HIF3A: variants seen among roughly 807,000 people sequenced by gnomAD.
The protein encoded by HIF3A is hypoxia inducible factor 3 subunit alpha.
In HIF3A, 41 loss-of-function variants were observed where a neutral mutation model predicts 67.2. The ratio of observed to expected loss-of-function variants is 0.61; its 90% CI spans 0.48 to 0.79. The LOEUF (loss-of-function observed/expected upper bound fraction) is 0.79, where lower values mean the gene tolerates loss of function less well. Among genes scored for constraint, HIF3A ranks in the 30% least tolerant of loss-of-function variants. HIF3A has a pLI of 0.00. For synonymous variants in HIF3A, 356 were observed against 374.8 expected, an observed-to-expected ratio of 0.95 and a Z score of 0.58; for missense variants, 855 against 898.0, an observed-to-expected ratio of 0.95 and a Z score of 0.61.
chr19:46,329,484 C>A lies in HIF3A; in HGVS notation c.1712+6C>A, dbSNP rs1159991592. The A allele has an allele frequency of 1.1e-5, 16 of 1,507,418 alleles. No individual in the cohort carries two copies. Among genetic ancestry groups the A allele is most frequent in the Non-Finnish European group, 1.4e-5 (16 of 1,127,600 alleles). 93.4% of individuals were successfully genotyped at this position (1,507,418 alleles called of 1,614,324 possible). ...ATGGCTGGGGCTCGGAAGAGGTGAG[C>A]CACAGTAAAGGGGGGACATCAAGGC... On this transcript the variant is annotated splice_donor_region_variant and intron_variant, in intron 12 of 14. Transcript: ENST00000377670.
chr19:46,326,123 A>G (rs1568536217), intron 11 of HIF3A, among the ~76,000 whole-genome samples: 1 of 152,186 alleles, frequency 6.6e-6, no homozygotes, highest in Non-Finnish European at 1.5e-5. Flanking sequence ...GGCTACAGTC[A>G]TCTGGGGTTA....
intron 1 of HIF3A, chr19:46,298,537 C>A: frequency 8.0e-7 from 1 of 1,255,662 alleles, no homozygotes; most frequent in Non-Finnish European, 1.0e-6. Flanking sequence ...CCAACACCTC[C>A]TTTCCCCCTT....
chr19:46,315,458 T>C (rs1348760074), intron 8 of HIF3A, among the ~76,000 whole-genome samples: 1 of 147,816 alleles, frequency 6.8e-6, no homozygotes, highest in Non-Finnish European at 1.5e-5. Context: ...CATTCACCAG[T>C]TGGAAGACGC....
In HIF3A at chr19:46,297,727, C is replaced by T. The variant is rs1967970493; in HGVS notation, c.26+625C>T. ...TTCAGAAGCCGTCTGGGACCCTTCC[C>T]AAGAGACTTTTTGTATCCTTTCAAA... On this transcript the variant is annotated intron_variant, in intron 1 of 14. Transcript: ENST00000377670. The surrounding 1 kb of genome is among the most constrained non-coding windows in gnomAD (Gnocchi z 4.5). Among the ~76,000 whole-genome samples the T allele has an allele frequency of 6.6e-6, 1 of 152,048 alleles. No homozygotes were observed. The highest frequency in any genetic ancestry group is 6.6e-5 in the Admixed American group (1 of 15,264).
At chr19:46,307,094 C>T (rs1049880004) in intron 3 of HIF3A, among the ~76,000 whole-genome samples, 3 of 130,584 alleles carry the variant, frequency 2.3e-5, no homozygotes, top group East Asian at 5.1e-4. Context: ...TTGCTTTGTT[C>T]AGCAGCTTTT....
At chr19:46,302,542 C>T (rs1159093111) in intron 1 of HIF3A, among the ~76,000 whole-genome samples, 4 of 152,188 alleles carry the variant, frequency 2.6e-5, no homozygotes, top group Non-Finnish European at 4.4e-5. Flanking sequence ...GATCCTCTGT[C>T]TCACCCTCCC....
intron 11 of HIF3A, 135 bp downstream of exon 11, chr19:46,325,774 G>T: frequency 1.6e-6 from 1 of 610,038 alleles, no homozygotes; most frequent in Non-Finnish European, 3.0e-6. Flanking sequence ...TCATTAGGTG[G>T]ATGATGGTGG....
At position 46,342,979 on chromosome 19, in the gene HIF3A, T is replaced by A. The variant is rs371675902; in HGVS notation, c.*3357T>A. 3.9e-4 allele frequency: 60 copies of A among 152,572 alleles called. 1 individual carries two copies. Among genetic ancestry groups the A allele is most frequent in the African/African-American group, 1.4e-3 (56 of 41,456 alleles). 9.5% of individuals were successfully genotyped at this position (152,572 alleles called of 1,614,324 possible). On this transcript the variant is annotated 3_prime_UTR_variant, in exon 15 of 15. Coordinates refer to ENST00000377670, the MANE Select transcript of HIF3A (RefSeq NM_152795.4). ...CCCACATGTTTGGGGCACCTGGGGC[T>A]CCCTCACCCCTTGGGTGGTTTGCAA...
chr19:46,339,848 C>T lies in HIF3A; in HGVS notation c.*226C>T. 2 of 400,710 alleles carry T rather than the reference C, an allele frequency of 5.0e-6. No individual in the cohort carries two copies. Among genetic ancestry groups the T allele is most frequent in the Non-Finnish European group, 8.8e-6 (2 of 227,218 alleles). 24.8% of individuals were successfully genotyped at this position (400,710 alleles called of 1,614,324 possible). On this transcript the variant is annotated 3_prime_UTR_variant, in exon 15 of 15. Transcript: ENST00000377670. ...CTCAGTGACCTCTGGGAGGTGGTCC[C>T]TGGCCCCCTCCTCCTTCTCTCAGGA...
chr19:46,305,273 A>C lies in HIF3A; in HGVS notation c.246A>C (p.Gly82=). The C allele has an allele frequency of 6.2e-7, 1 of 1,613,934 alleles. No homozygotes were observed. The highest frequency in any genetic ancestry group is 8.5e-7 in the Non-Finnish European group (1 of 1,179,976). ...AGTGGAACCAGGTGGGAGCAGGGGG[A>C]GAACCACTGGATGCCTGCTACCTGA... The part of the protein sequence containing the change: ...AGEWNQVGAG[G]EPLDACYLKA... Residue 82 remains glycine, a synonymous_variant, in exon 3 of 15, where the codon GGA becomes GGC. Coordinates refer to ENST00000377670, the MANE Select transcript of HIF3A (RefSeq NM_152795.4).
Position 46,340,650 on chromosome 19 carries a change from GC to G in HIF3A, c.*1030del, listed in dbSNP as rs1178983237. ...CAAATAGCCGGGACTACGGGCATGT[GC>G]CACATTGCCCGGCTAATTTTTGTAT... On this transcript the variant is annotated 3_prime_UTR_variant, in exon 15 of 15. Coordinates refer to ENST00000377670, the MANE Select transcript of HIF3A (RefSeq NM_152795.4). 6.6e-6 allele frequency: 1 copy of G among 152,206 alleles called. No homozygotes were observed. Among genetic ancestry groups the G allele is most frequent in the African/African-American group, 2.4e-5 (1 of 41,428 alleles). The allele number at this position is 152,206 out of a possible 1,614,324, so 9.4% of individuals were successfully genotyped here. A position where few individuals can be genotyped will look rare whatever the true frequency, so the allele number is the denominator to read the frequency against.
In HIF3A at chr19:46,312,567, C is replaced by T; in HGVS notation, c.939C>T (p.Tyr313=). 6.2e-7 allele frequency: 1 copy of T among 1,612,962 alleles called. No homozygotes were observed. Among genetic ancestry groups the T allele is most frequent in the Non-Finnish European group, 8.5e-7 (1 of 1,179,526 alleles). ...QYRFLARSGG[Y]LWTQTQATVV... is the part of the protein sequence containing the mutation. The stretch of plus-strand genomic sequence containing the variant: ...GCTTCCTGGCCCGGAGTGGTGGCTA[C>T]CTGTGGACCCAGACCCAGGCCACAG... Residue 313 remains tyrosine, a synonymous_variant, in exon 8 of 15, where the codon TAC becomes TAT. Coordinates refer to ENST00000377670, the MANE Select transcript of HIF3A (RefSeq NM_152795.4).
intron 8 of HIF3A, 81 bp downstream of exon 8, chr19:46,312,734 T>TGTGTGC: frequency 6.7e-7 from 1 of 1,503,460 alleles, no homozygotes; most frequent in African/African-American, 1.4e-5. Context: ...TGTGTGTGTG[T>TGTGTGC]GTGCGTATGA....
intron 14 of HIF3A, among the ~76,000 whole-genome samples, chr19:46,336,953 C>T (rs1971671233): frequency 6.6e-6 from 1 of 152,114 alleles, no homozygotes; most frequent in Non-Finnish European, 1.5e-5. Context: ...CGCCATTGTA[C>T]TGCAGCCTGG....
chr19:46,327,306 TTTTTTTC>T (rs949149262), intron 11 of HIF3A, among the ~76,000 whole-genome samples: 1 of 151,514 alleles, frequency 6.6e-6, no homozygotes. Flanking sequence ...GAGACCACTT[TTTTTTTC>T]TTTTTTCTTT....
intron 10 of HIF3A, among the ~76,000 whole-genome samples, chr19:46,323,967 G>A (rs1676838528): frequency 1.3e-5 from 2 of 152,148 alleles, no homozygotes; most frequent in South Asian, 2.1e-4. Context: ...TTTGGGTGGG[G>A]ACGCAGCCAA....
At chr19:46,325,742 A>T (rs778015141) in intron 11 of HIF3A, 103 bp downstream of exon 11, 1 of 728,834 alleles carries the variant, frequency 1.4e-6, no homozygotes, top group Non-Finnish European at 2.4e-6. Flanking sequence ...GAATGAATGG[A>T]TGGATGGATG....
At chr19:46,338,297 G>T (rs1018301583) in intron 14 of HIF3A, 1 of 453,218 alleles carries the variant, frequency 2.2e-6, no homozygotes, top group Non-Finnish European at 4.4e-6. Flanking sequence ...GACCTCCTGG[G>T]CTCAAGTGAT....
intron 1 of HIF3A, chr19:46,298,213 C>CCTCCCCTCCCCTGTCCCCT: frequency 3.0e-6 from 1 of 334,784 alleles, no homozygotes; most frequent in Non-Finnish European, 5.9e-6. Flanking sequence ...TAACCGCCCC[C>CCTCCCCTCCCCTGTCCCCT]ATCCTCTCCC....
Sources: gnomAD v4.1 joint callset for allele counts (sites outside exome capture counted in the v4.1 genomes callset) on GRCh38, gnomAD v4.1.1 for gene constraint, Gnocchi (gnomAD v3.1) non-coding constraint, MANE v1.5 for transcripts, NCBI Gene and HGNC (gene_info 2026-07-23, HGNC 2026-07-21) for gene names.